The following KCNIP4 variants were observed in gnomAD, a reference collection of about 807,000 sequenced individuals.
KCNIP4 encodes potassium voltage-gated channel interacting protein 4.
In KCNIP4, 12 loss-of-function variants were observed where a neutral mutation model predicts 34.0. The ratio of observed to expected loss-of-function variants is 0.35; its 90% confidence interval spans 0.23 to 0.57. The LOEUF is 0.57. Ranked by LOEUF, KCNIP4 falls within the 20% of genes least tolerant of loss-of-function variation. KCNIP4 has a pLI of 0.83. For synonymous variants in KCNIP4, 124 were observed against 102.2 expected (o/e 1.21, Z -1.29); for missense variants, 238 against 311.7 (o/e 0.76, Z 1.78).
At chr4:21,235,895 A>G (rs1759321679) in intron 1 of KCNIP4, among the ~76,000 whole-genome samples, 1 of 152,218 alleles carries the variant, frequency 6.6e-6, no homozygotes, top group Non-Finnish European at 1.5e-5. Flanking sequence ...GCCTAGGTAC[A>G]GTCTTGAGAT....
chr4:21,199,090 T>C (rs1756274838), intron 1 of KCNIP4, among the ~76,000 whole-genome samples: 1 of 152,190 alleles, frequency 6.6e-6, no homozygotes, highest in Non-Finnish European at 1.5e-5. Flanking sequence ...ATATACCCAG[T>C]AATGGGATGG....
intron 3 of KCNIP4, among the ~76,000 whole-genome samples, chr4:20,767,638 T>G (rs997595470): frequency 2.0e-5 from 3 of 152,184 alleles, no homozygotes; most frequent in African/African-American, 7.2e-5. Flanking sequence ...ATCACAGGTA[T>G]AATAACATCA....
intron 1 of KCNIP4, among the ~76,000 whole-genome samples, chr4:21,431,461 G>A (rs545222342): frequency 3.8e-4 from 58 of 152,190 alleles, no homozygotes; most frequent in African/African-American, 1.3e-3. Flanking sequence ...GAGGCTTGAT[G>A]TTATGAATAT....
chr4:21,358,337 A>G (rs961203715), intron 1 of KCNIP4, among the ~76,000 whole-genome samples: 2 of 151,986 alleles, frequency 1.3e-5, no homozygotes, highest in Non-Finnish European at 2.9e-5. Flanking sequence ...AAAAAATCCT[A>G]AACAAAAATA....
intron 1 of KCNIP4, among the ~76,000 whole-genome samples, chr4:21,619,773 T>C (rs1744878361): frequency 6.6e-6 from 1 of 152,224 alleles, no homozygotes; most frequent in African/African-American, 2.4e-5. Context: ...AATGGGTAAG[T>C]CCTAGCCACT....
chr4:21,682,055 ATTTTTTTTG>A (rs1750404009), intron 1 of KCNIP4, among the ~76,000 whole-genome samples: 2 of 151,438 alleles, frequency 1.3e-5, no homozygotes, highest in African/African-American at 4.9e-5. Flanking sequence ...TGCCCAGCTA[ATTTTTTTTG>A]TAATTTTAGT....
intron 1 of KCNIP4, among the ~76,000 whole-genome samples, chr4:21,066,507 TC>T (rs1744397744): frequency 2.7e-5 from 4 of 150,264 alleles, no homozygotes; most frequent in Admixed American, 2.0e-4. Flanking sequence ...ATACCATCCC[TC>T]CCCCCATCCC....
At chr4:21,591,193 A>G (rs1383033697) in intron 1 of KCNIP4, among the ~76,000 whole-genome samples, 1 of 152,046 alleles carries the variant, frequency 6.6e-6, no homozygotes, top group Non-Finnish European at 1.5e-5. Context: ...GGTGTCATAA[A>G]AAACAAGGAG....
At chr4:21,278,406 T>C (rs770218710) in intron 1 of KCNIP4, among the ~76,000 whole-genome samples, 1 of 152,108 alleles carries the variant, frequency 6.6e-6, no homozygotes, top group Non-Finnish European at 1.5e-5. Context: ...TCTGTGTCCA[T>C]GAGTTCTCAT....
At chr4:20,733,456 C>G (rs75546969) in intron 6 of KCNIP4, among the ~76,000 whole-genome samples, 2 of 152,240 alleles carry the variant, frequency 1.3e-5, no homozygotes, top group Admixed American at 1.3e-4. Flanking sequence ...ACATTTGTTT[C>G]ACGTGAAAGA....
At chr4:20,738,903 T>C (rs1750355438) in intron 5 of KCNIP4, among the ~76,000 whole-genome samples, 1 of 152,148 alleles carries the variant, frequency 6.6e-6, no homozygotes. Context: ...ATTGTGCTTT[T>C]CCAACAGTCT....
At chr4:21,113,274 T>C (rs1577715584) in intron 1 of KCNIP4, among the ~76,000 whole-genome samples, 1 of 152,006 alleles carries the variant, frequency 6.6e-6, no homozygotes, top group Admixed American at 6.6e-5. Context: ...CTCATCAAAT[T>C]GGATTTCACA....
chr4:21,070,972 G>A (rs1274694919), intron 1 of KCNIP4, among the ~76,000 whole-genome samples: 2 of 151,932 alleles, frequency 1.3e-5, no homozygotes, highest in African/African-American at 2.4e-5. Context: ...ACCATGCCTG[G>A]CCTGAGTTGT....
At chr4:21,106,386 A>C (rs938353683) in intron 1 of KCNIP4, among the ~76,000 whole-genome samples, 1 of 151,576 alleles carries the variant, frequency 6.6e-6, no homozygotes, top group Non-Finnish European at 1.5e-5. Flanking sequence ...TATTTGCGTA[A>C]GGATGTTTGT....
chr4:20,820,330 C>T (rs1263580681), intron 3 of KCNIP4, among the ~76,000 whole-genome samples: 1 of 152,112 alleles, frequency 6.6e-6, no homozygotes, highest in Non-Finnish European at 1.5e-5. Flanking sequence ...TTGTCTGTGT[C>T]TTAGTGCTTA....
chr4:21,517,408 G>A (rs998383266), intron 1 of KCNIP4, among the ~76,000 whole-genome samples: 3 of 152,126 alleles, frequency 2.0e-5, no homozygotes, highest in African/African-American at 4.8e-5. Flanking sequence ...GAATTTCAAC[G>A]TCCTAACTTT....
rs1746465192 is a variant in KCNIP4 at position 21,086,716 on chromosome 4, T to C, written c.62-204007A>G. Among the ~76,000 whole-genome samples the C allele has an allele frequency of 2.0e-5, 3 of 152,306 alleles. No individual in the cohort carries two copies. The South Asian group carries it at 6.2e-4, about 32-fold the overall frequency. ...AAGAAAAATTCTTCTATCTATGCTATAGATCTTCTTTTTTCTCCTACCATT... is the reference window on the plus strand; with the variant it reads ...AAGAAAAATTCTTCTATCTATGCTACAGATCTTCTTTTTTCTCCTACCATT... On this transcript the variant is annotated intron_variant, in intron 1 of 8. Transcript: ENST00000382152.
chr4:21,417,923 A>T (rs984968526), intron 1 of KCNIP4, among the ~76,000 whole-genome samples: 2 of 152,150 alleles, frequency 1.3e-5, no homozygotes, highest in East Asian at 3.9e-4. Flanking sequence ...ACATTGTATC[A>T]GTTGAATGGA....
At chr4:21,906,547 CT>C (rs374634236) in intron 1 of KCNIP4, among the ~76,000 whole-genome samples, 4 of 152,244 alleles carry the variant, frequency 2.6e-5, no homozygotes, top group African/African-American at 9.6e-5. Flanking sequence ...TGATTTTGGA[CT>C]TTTGGCTTCC....
Sources: allele counts gnomAD v4.1 joint callset (sites outside exome capture counted in the v4.1 genomes callset), GRCh38; gene constraint gnomAD v4.1.1; transcripts MANE v1.5; gene names NCBI Gene and HGNC (gene_info 2026-07-23, HGNC 2026-07-21).